The following FAM20B variants were observed in gnomAD, a reference collection of about 807,000 sequenced individuals.
The protein encoded by FAM20B is glycosaminoglycan xylosylkinase.
Under a neutral mutation model 43.8 loss-of-function variants are expected in FAM20B, and 23 were observed. The ratio of observed to expected loss-of-function variants is 0.53; its 90% CI spans 0.38 to 0.74. The LOEUF (loss-of-function observed/expected upper bound fraction) is 0.74, where lower values mean the gene tolerates loss of function less well. FAM20B is among the 30% of genes least tolerant of loss of function. The probability of loss-of-function intolerance (pLI) is 0.00; values close to 1 mark genes in which losing one functional copy is unlikely to be tolerated. For missense variants in FAM20B, 440 were observed against 510.5 expected (o/e 0.86, Z 1.33); for synonymous variants, 178 against 192.4 (o/e 0.93, Z 0.62).
intron 6 of FAM20B, 37 bp from the exon 7 acceptor site, chr1:179,066,763 T>G (rs1651707517): frequency 2.1e-6 from 3 of 1,426,986 alleles, no homozygotes; most frequent in Non-Finnish European, 3.0e-6. Flanking sequence ...AGAACAGTAC[T>G]TCCACCTAAT....
intron 7 of FAM20B, among the ~76,000 whole-genome samples, chr1:179,067,438 C>G (rs1262315444): frequency 5.3e-5 from 8 of 152,158 alleles, no homozygotes; most frequent in Non-Finnish European, 1.2e-4. Flanking sequence ...AACCCCGTCT[C>G]TATTAATAAT....
At chr1:179,026,918 T>A (rs907293143) in intron 1 of FAM20B, among the ~76,000 whole-genome samples, 1 of 152,192 alleles carries the variant, frequency 6.6e-6, no homozygotes, top group African/African-American at 2.4e-5. Context: ...AAGGATGGAT[T>A]GGAGGGAAAG....
intron 2 of FAM20B, among the ~76,000 whole-genome samples, chr1:179,048,103 T>G (rs1363204544): frequency 2.0e-5 from 3 of 152,170 alleles, no homozygotes; most frequent in Non-Finnish European, 1.5e-5. Context: ...TTTTTTTTAA[T>G]GTAGCTATTT....
At chr1:179,046,229 C>T (rs1419406324) in intron 2 of FAM20B, among the ~76,000 whole-genome samples, 1 of 152,136 alleles carries the variant, frequency 6.6e-6, no homozygotes, top group Non-Finnish European at 1.5e-5. Flanking sequence ...TAAGTGATGA[C>T]GTGGAGCACT....
At chr1:179,030,098 G>A (rs1649946616) in intron 1 of FAM20B, among the ~76,000 whole-genome samples, 1 of 152,180 alleles carries the variant, frequency 6.6e-6, no homozygotes, top group Non-Finnish European at 1.5e-5. Context: ...TATCTGTGGA[G>A]TAGGAGCTTC....
chr1:179,070,436 G>A (rs746211955), intron 7 of FAM20B, among the ~76,000 whole-genome samples: 23 of 151,722 alleles, frequency 1.5e-4, no homozygotes, highest in Non-Finnish European at 3.1e-4. Flanking sequence ...ATCTGACAAG[G>A]GACTTATTGC....
intron 4 of FAM20B, among the ~76,000 whole-genome samples, chr1:179,060,225 G>T (rs1450995882): frequency 6.6e-6 from 1 of 151,968 alleles, no homozygotes; most frequent in Non-Finnish European, 1.5e-5. Flanking sequence ...TCATTGTTTT[G>T]TTGTTTCACA....
chr1:179,043,192 C>T (rs1256612010), intron 1 of FAM20B, among the ~76,000 whole-genome samples: 3 of 152,238 alleles, frequency 2.0e-5, no homozygotes, highest in South Asian at 2.1e-4. Flanking sequence ...GCCCAAAGTC[C>T]GGAGTGGGCT....
intron 7 of FAM20B, among the ~76,000 whole-genome samples, chr1:179,067,638 T>TA (rs1651747786): frequency 1.3e-5 from 2 of 152,008 alleles, no homozygotes; most frequent in Non-Finnish European, 2.9e-5. Flanking sequence ...ATTGGTTTTT[T>TA]TAAAAAAACT....
At chr1:179,019,066 A>G in the FAM20B span, among the ~76,000 whole-genome samples, 1 of 152,226 alleles carries the variant, frequency 6.6e-6, no homozygotes, top group Admixed American at 6.5e-5. Context: ...TACCCTGAAC[A>G]GATTGGATGC....
chr1:179,064,367 C>G lies in FAM20B; in HGVS notation c.809C>G (p.Pro270Arg), dbSNP rs778968805. 8 of 1,614,054 alleles carry G rather than the reference C, an allele frequency of 5.0e-6. No individual in the cohort carries two copies. Among genetic ancestry groups the G allele is most frequent in the Non-Finnish European group, 6.8e-6 (8 of 1,179,982 alleles). Residue 270 changes from proline to arginine, a missense_variant, in exon 6 of 8, where the codon CCG becomes CGG. Pro to Arg is a moderately radical substitution (Grantham distance 103, BLOSUM62 -2). Transcript: ENST00000263733. Reference protein sequence around the residue: ...VKKTSPYDSGPRLLDIIDTAV... With the variant: ...VKKTSPYDSGRRLLDIIDTAV... Reference sequence around the variant, plus strand: ...AAAACGTCCCCTTATGACTCTGGCCCGCGCCTCTTGGACATCATTGACACA... The same window carrying G: ...AAAACGTCCCCTTATGACTCTGGCCGGCGCCTCTTGGACATCATTGACACA...
intron 1 of FAM20B, among the ~76,000 whole-genome samples, chr1:179,030,878 CAAA>C (rs11321294): frequency 2.3e-5 from 3 of 127,934 alleles, no homozygotes; most frequent in South Asian, 5.0e-4. Context: ...ACAGATGTGC[CAAA>C]AAAAAAAAAA....
In FAM20B at chr1:179,075,461, G is replaced by T. The variant is rs1652091670; in HGVS notation, c.*3317G>T. Reference sequence around the variant, plus strand: ...TCGAATGGATAAATTTGAGTATAAAGGTTTTGTTATAAAACTGTTCTTTAG... The same window carrying T: ...TCGAATGGATAAATTTGAGTATAAATGTTTTGTTATAAAACTGTTCTTTAG... On this transcript the variant is annotated 3_prime_UTR_variant, in exon 8 of 8. Transcript: ENST00000263733. 6.6e-6 allele frequency: 1 copy of T among 152,518 alleles called. No individual in the cohort carries two copies. The highest frequency in any genetic ancestry group is 2.4e-5 in the African/African-American group (1 of 41,420). 9.4% of individuals were successfully genotyped at this position (152,518 alleles called of 1,614,324 possible). A position where few individuals can be genotyped will look rare whatever the true frequency, so the allele number is the denominator to read the frequency against.
At chr1:179,048,029 T>C (rs934723899) in intron 2 of FAM20B, among the ~76,000 whole-genome samples, 7 of 152,328 alleles carry the variant, frequency 4.6e-5, no homozygotes, top group African/African-American at 1.7e-4. Context: ...GTAGATGATA[T>C]ATATGGGAAT....
chr1:179,055,611 T>A (rs770267982), intron 4 of FAM20B, among the ~76,000 whole-genome samples: 1 of 152,178 alleles, frequency 6.6e-6, no homozygotes, highest in African/African-American at 2.4e-5. Flanking sequence ...GTTTTATGTT[T>A]AGCAAGCATG....
intron 1 of FAM20B, among the ~76,000 whole-genome samples, chr1:179,033,430 TTAA>T (rs1218866930): frequency 1.3e-5 from 2 of 152,246 alleles, no homozygotes; most frequent in African/African-American, 4.8e-5. Context: ...CTAGAAGCCA[TTAA>T]TAATAATTTA....
At chr1:179,028,719 T>A (rs1649892194) in intron 1 of FAM20B, among the ~76,000 whole-genome samples, 1 of 152,228 alleles carries the variant, frequency 6.6e-6, no homozygotes, top group African/African-American at 2.4e-5. Flanking sequence ...CTACAGTTTG[T>A]TGTAATTGTT....
At chr1:179,060,835 A>G (rs1174462823) in intron 4 of FAM20B, among the ~76,000 whole-genome samples, 2 of 152,202 alleles carry the variant, frequency 1.3e-5, no homozygotes, top group Non-Finnish European at 2.9e-5. Flanking sequence ...TTATATTCCC[A>G]TAGAAATATA....
At position 179,042,398 on chromosome 1, in the gene FAM20B, G is replaced by A. The variant is rs532022570; in HGVS notation, c.-133-1317G>A. 6.6e-5 allele frequency among the ~76,000 whole-genome samples: 10 copies of A among 152,282 alleles called. No homozygotes were observed. The East Asian group carries it at 1.2e-3, about 18-fold the overall frequency. On this transcript the variant is annotated intron_variant, in intron 1 of 7. Transcript: ENST00000263733. The stretch of plus-strand genomic sequence containing the variant: ...GAGTATCACATGCAGCTTCTGCTGC[G>A]GGTGCCCATGTCTGGACAAGGGGAA...
Sources: allele counts gnomAD v4.1 joint callset (sites outside exome capture counted in the v4.1 genomes callset), GRCh38; gene constraint gnomAD v4.1.1; transcripts MANE v1.5; gene names NCBI Gene and HGNC (gene_info 2026-07-23, HGNC 2026-07-21).